The following BCLAF1 variants were observed in gnomAD, a reference collection of about 807,000 sequenced individuals.
BCLAF1 encodes BCL2 associated transcription factor 1.
BCLAF1 carries 10 observed loss-of-function variants against 99.5 expected under a neutral mutation model. That is an observed-to-expected ratio of 0.10 (90% confidence interval 0.06 to 0.17). The LOEUF (loss-of-function observed/expected upper bound fraction) is 0.17, where lower values mean the gene tolerates loss of function less well. BCLAF1 is among the 10% of genes least tolerant of loss of function. The pLI is 1.00. For synonymous variants in BCLAF1, 255 were observed against 370.9 expected, an observed-to-expected ratio of 0.69 and a Z score of 3.59; for missense variants, 636 against 1,105.8, an observed-to-expected ratio of 0.58 and a Z score of 6.02.
chr6:136,259,335 T>C lies in BCLAF1; in HGVS notation c.*1775A>G, dbSNP rs1780697337. The C allele has an allele frequency of 6.6e-6, 1 of 151,108 alleles. No individual in the cohort carries two copies. The highest frequency in any genetic ancestry group is 1.5e-5 in the Non-Finnish European group (1 of 67,906). 9.4% of individuals were successfully genotyped at this position (151,108 alleles called of 1,614,324 possible). ...CTATTGTCTTAAGTGGATAAGCACA[T>C]AGTCATGCACACAGATTTGATGTCT... On this transcript the variant is annotated 3_prime_UTR_variant, in exon 13 of 13. Transcript: ENST00000531224.
intron 8 of BCLAF1, 49 bp downstream of exon 8, chr6:136,271,946 T>C: frequency 1.5e-6 from 2 of 1,340,032 alleles, no homozygotes; most frequent in Non-Finnish European, 2.1e-6. Context: ...TACAATATCA[T>C]TAACTAAGCT....
At chr6:136,277,482 G>A (rs1393787611) in intron 4 of BCLAF1, among the ~76,000 whole-genome samples, 2 of 152,032 alleles carry the variant, frequency 1.3e-5, no homozygotes, top group Non-Finnish European at 2.9e-5. Context: ...TTTTAATTCT[G>A]GACCGAAAAT....
At chr6:136,261,811 C>T (rs1419324604) in intron 11 of BCLAF1, among the ~76,000 whole-genome samples, 1 of 152,064 alleles carries the variant, frequency 6.6e-6, no homozygotes, top group Non-Finnish European at 1.5e-5. Context: ...CTTATTATTA[C>T]ACCAAATGCA....
chr6:136,276,291 T>C lies in BCLAF1; in HGVS notation c.1234A>G (p.Arg412Gly). 1 of 1,586,718 alleles carries C rather than the reference T, an allele frequency of 6.3e-7. No homozygotes were observed. Among genetic ancestry groups the C allele is most frequent in the Non-Finnish European group, 8.6e-7 (1 of 1,168,454 alleles). Residue 412 changes from arginine to glycine, a missense_variant, in exon 5 of 13, where the codon AGG becomes GGG. Physicochemically the swap from Arg to Gly is moderately radical, Grantham distance 125 (BLOSUM62 -2). Coordinates refer to ENST00000531224, the MANE Select transcript of BCLAF1 (RefSeq NM_014739.3). ...CCCTGATCTGCGAGGACTGACTTCC[T>C]GAACTGTCTATAATCCTCTGTCTCC... ...TEETEDYRQF[R>G]KSVLADQGKS...
chr6:136,267,785 G>T (rs1476081646), intron 10 of BCLAF1, among the ~76,000 whole-genome samples: 1 of 151,964 alleles, frequency 6.6e-6, no homozygotes, highest in Non-Finnish European at 1.5e-5. Context: ...CAGGCAAAAT[G>T]AATGTAACTG....
chr6:136,286,409 T>C (rs975944327), intron 1 of BCLAF1, among the ~76,000 whole-genome samples: 1 of 152,198 alleles, frequency 6.6e-6, no homozygotes, highest in Non-Finnish European at 1.5e-5. Flanking sequence ...CAGGTGTTTT[T>C]TTGTTGTTGT....
chr6:136,267,147 C>T lies in BCLAF1; in HGVS notation c.2426G>A (p.Arg809Lys). ...AGTATTTGTCCCAGCAAAAACTCCT[C>T]TGGCTCTTCCTCTGCCTCTAATTCG... Reference protein sequence around the residue: ...FFRIRGRGRARGVFAGTNTGP... With the variant: ...FFRIRGRGRAKGVFAGTNTGP... The change falls in exon 11 of 13, where the codon AGA (arginine) becomes AAA (lysine). Residue 809 changes from arginine (R) to lysine (K), a missense_variant. Coordinates refer to ENST00000531224, the MANE Select transcript of BCLAF1 (RefSeq NM_014739.3). 6.2e-7 allele frequency: 1 copy of T among 1,612,978 alleles called. No homozygotes were observed. Among genetic ancestry groups the T allele is most frequent in the East Asian group, 2.2e-5 (1 of 44,824 alleles).
chr6:136,288,177 A>G (rs572523490), intron 1 of BCLAF1, among the ~76,000 whole-genome samples: 5 of 152,348 alleles, frequency 3.3e-5, no homozygotes, highest in East Asian at 1.9e-4. Flanking sequence ...ATTAAACAAG[A>G]TATTTCAGTA....
chr6:136,285,387 G>A (rs1784996254), intron 1 of BCLAF1, among the ~76,000 whole-genome samples: 1 of 152,158 alleles, frequency 6.6e-6, no homozygotes, highest in Non-Finnish European at 1.5e-5. Context: ...GGACAAGTTT[G>A]GGGGAGAAAA....
At chr6:136,284,130 G>GTGTATATATATATATATA (rs36141174) in intron 1 of BCLAF1, among the ~76,000 whole-genome samples, 40 of 122,096 alleles carry the variant, frequency 3.3e-4, no homozygotes, top group African/African-American at 1.3e-3. Flanking sequence ...GTGTGTGTGT[G>GTGTATATATATATATATA]TATATATATA....
chr6:136,284,360 CAATA>C (rs965776850), intron 1 of BCLAF1, among the ~76,000 whole-genome samples: 3 of 151,770 alleles, frequency 2.0e-5, no homozygotes, highest in African/African-American at 7.3e-5. Context: ...ATGTAACACA[CAATA>C]AATAAGTCAG....
chr6:136,282,957 CAT>C (rs1387852276), intron 1 of BCLAF1, among the ~76,000 whole-genome samples: 3 of 151,764 alleles, frequency 2.0e-5, no homozygotes, highest in Non-Finnish European at 4.4e-5. Flanking sequence ...CCTTAAAAAA[CAT>C]ATGATATGTC....
intron 6 of BCLAF1, among the ~76,000 whole-genome samples, chr6:136,275,298 T>C (rs1330762125): frequency 1.3e-5 from 2 of 152,132 alleles, no homozygotes; most frequent in Non-Finnish European, 2.9e-5. Context: ...ATGATACAGA[T>C]TTTTAGCATA....
At chr6:136,281,043 G>C (rs1348270596) in intron 2 of BCLAF1, among the ~76,000 whole-genome samples, 2 of 152,144 alleles carry the variant, frequency 1.3e-5, no homozygotes, top group Non-Finnish European at 2.9e-5. Context: ...GAGGTACTAA[G>C]ATGAGTTCAG....
In BCLAF1 at chr6:136,279,684, T is replaced by G. The variant is rs1182022010; in HGVS notation, c.104+79A>C. 5 of 1,291,684 alleles carry G rather than the reference T, an allele frequency of 3.9e-6. No homozygotes were observed. In the East Asian group the frequency reaches 1.2e-4, roughly 30 times the overall value. 80.0% of individuals were successfully genotyped at this position (1,291,684 alleles called of 1,614,324 possible). Reference sequence around the variant, plus strand: ...TGAGAATAAAATACATTTTGGGGTTTAGCACTGTGTTTACGATACTCATTC... The same window carrying G: ...TGAGAATAAAATACATTTTGGGGTTGAGCACTGTGTTTACGATACTCATTC... On this transcript the variant is annotated intron_variant, in intron 3 of 12. Coordinates refer to ENST00000531224, the MANE Select transcript of BCLAF1 (RefSeq NM_014739.3).
intron 8 of BCLAF1, among the ~76,000 whole-genome samples, chr6:136,271,346 T>C (rs569666082): frequency 6.6e-6 from 1 of 151,966 alleles, no homozygotes; most frequent in East Asian, 1.9e-4. Flanking sequence ...TGATATAGAT[T>C]AGTCTACCTG....
At chr6:136,283,557 T>A (rs757689099) in intron 1 of BCLAF1, among the ~76,000 whole-genome samples, 1 of 152,234 alleles carries the variant, frequency 6.6e-6, no homozygotes, top group Non-Finnish European at 1.5e-5. Context: ...ACATCAAGTA[T>A]GTGCAAAGGA....
intron 3 of BCLAF1, 171 bp downstream of exon 3, chr6:136,279,592 T>C: frequency 1.5e-6 from 1 of 650,268 alleles, no homozygotes; most frequent in South Asian, 7.1e-5. Context: ...CTAGAGCTTG[T>C]TACCTGGACA....
rs770453402 is a variant in BCLAF1, at chr6:136,275,585, C to T, written c.1799G>A (p.Ser600Asn). 6.3e-7 allele frequency: 1 copy of T among 1,591,206 alleles called. No individual in the cohort carries two copies. Residue 600 changes from serine (S) to asparagine (N), a missense_variant, in exon 6 of 13, where the codon AGC (serine) becomes AAC (asparagine). This residue lies in a region of BCLAF1 where 180 missense variants were observed against 270.0 expected (regional missense o/e 0.67). Transcript: ENST00000531224. ...GTGTTGAATAAATGACTCTGAAGTG[C>T]TTTTGCTGGCCTGTGGCAACTTAAT... ...DHIKLPQASK[S>N]TSESFIQHIV...
Sources: allele counts gnomAD v4.1 joint callset (sites outside exome capture counted in the v4.1 genomes callset), GRCh38; gene constraint gnomAD v4.1.1; regional missense constraint gnomAD v4.1.1; transcripts MANE v1.5; gene names NCBI Gene and HGNC (gene_info 2026-07-23, HGNC 2026-07-21).